The following THOC7 variants were observed in gnomAD, a reference collection of about 807,000 sequenced individuals.
The protein encoded by THOC7 is THO complex subunit 7.
A neutral mutation model predicts 33.1 loss-of-function variants in THOC7; 22 were observed. That is an observed-to-expected ratio of 0.66 (90% CI 0.47 to 0.95). THOC7 has a LOEUF of 0.95. Ranked by LOEUF, THOC7 falls within the 40% of genes least tolerant of loss-of-function variation. THOC7 has a pLI of 0.00. For missense variants in THOC7, 184 were observed against 245.3 expected (o/e 0.75, Z 1.67); for synonymous variants, 77 against 76.8 (o/e 1.00, Z -0.01).
At chr3:63,835,468 C>A in intron 5 of THOC7, 78 bp from the exon 6 acceptor site, 1 of 1,301,784 alleles carries the variant, frequency 7.7e-7, no homozygotes, top group Admixed American at 2.0e-5. Context: ...TTTTAAGTTA[C>A]TAGATAGGAT....
upstream of THOC7, among the ~76,000 whole-genome samples, chr3:63,864,285 C>G (rs1410921923): frequency 6.6e-6 from 1 of 151,282 alleles, no homozygotes; most frequent in Non-Finnish European, 1.5e-5. Flanking sequence ...CAGGGTGACG[C>G]TGCTAGGGGT....
chr3:63,854,940 G>A (rs1381790146), intron 1 of THOC7, among the ~76,000 whole-genome samples: 1 of 151,202 alleles, frequency 6.6e-6, no homozygotes, highest in Non-Finnish European at 1.5e-5. Flanking sequence ...CCCGGGAGGC[G>A]GAGCTTGCAG....
chr3:63,841,249 CAG>C (rs571794373), intron 1 of THOC7, among the ~76,000 whole-genome samples: 65 of 152,262 alleles, frequency 4.3e-4, no homozygotes, highest in African/African-American at 1.5e-3. Flanking sequence ...TGTGTGTATT[CAG>C]AGACTATCCT....
chr3:63,850,293 C>T (rs189393631), intron 1 of THOC7, among the ~76,000 whole-genome samples: 78 of 149,664 alleles, frequency 5.2e-4, no homozygotes, highest in African/African-American at 1.8e-3. Flanking sequence ...CTCTGCCTCC[C>T]GGGTTCAAGC....
chr3:63,837,897 A>T, intron 4 of THOC7, 79 bp downstream of exon 4: 1 of 1,300,138 alleles, frequency 7.7e-7, no homozygotes, highest in Non-Finnish European at 1.1e-6. Flanking sequence ...TGCAGATTTT[A>T]CCTCACAACA....
At chr3:63,841,072 A>G (rs1448458161) in intron 1 of THOC7, among the ~76,000 whole-genome samples, 1 of 152,230 alleles carries the variant, frequency 6.6e-6, no homozygotes, top group Non-Finnish European at 1.5e-5. Flanking sequence ...CACATAATGT[A>G]ATAGTATGAG....
intron 1 of THOC7, chr3:63,846,068 C>T: frequency 3.5e-6 from 1 of 285,550 alleles, no homozygotes; most frequent in Admixed American, 4.4e-5. Flanking sequence ...CTGTAAAGAG[C>T]TAATGAAAAG....
Position 63,834,172 on chromosome 3 carries a change from T to G in THOC7, c.575A>C (p.Glu192Ala), listed in dbSNP as rs145228857. Residue 192 changes from glutamate to alanine, a missense_variant, in exon 8 of 8, where the codon GAA (glutamate) becomes GCA (alanine). Coordinates refer to ENST00000295899, the MANE Select transcript of THOC7 (RefSeq NM_025075.4). ...TGTTTCCATGCTTGCTTCCTGAGCT[T>G]CTTCTACCTCTGAGAGTTTTTCATC... ...ENDEKLSEVE[E>A]AQEASMETDP... The G allele has an allele frequency of 6.8e-5, 110 of 1,614,058 alleles. No individual in the cohort carries two copies. The highest frequency in any genetic ancestry group is 1.5e-4 in the Admixed American group (9 of 60,020).
intron 1 of THOC7, among the ~76,000 whole-genome samples, chr3:63,856,154 G>C (rs1702112082): frequency 6.6e-6 from 1 of 152,054 alleles, no homozygotes; most frequent in African/African-American, 2.4e-5. Flanking sequence ...GAATAAGGTA[G>C]ATTTATATTC....
chr3:63,848,580 C>G (rs900879657), intron 1 of THOC7: 1 of 152,170 alleles, frequency 6.6e-6, no homozygotes, highest in Non-Finnish European at 1.5e-5. Flanking sequence ...ATCTCAGGAC[C>G]TCCTGATGCT....
At chr3:63,853,669 G>A (rs967445915) in intron 1 of THOC7, among the ~76,000 whole-genome samples, 3 of 152,176 alleles carry the variant, frequency 2.0e-5, no homozygotes, top group Non-Finnish European at 2.9e-5. Flanking sequence ...AGCACTTTGG[G>A]AGGCCAAGGC....
intron 1 of THOC7, among the ~76,000 whole-genome samples, chr3:63,843,141 CAG>C (rs907576574): frequency 4.0e-5 from 6 of 151,210 alleles, no homozygotes; most frequent in African/African-American, 1.2e-4. Context: ...TGTTTGGAGA[CAG>C]AGTCTCACTC....
chr3:63,863,315 A>G, intron 1 of THOC7: 1 of 428,358 alleles, frequency 2.3e-6, no homozygotes, highest in South Asian at 9.7e-5. Context: ...TCCCTCCCAG[A>G]CCTCCACAAA....
chr3:63,848,391 C>T, intron 1 of THOC7: 1 of 152,170 alleles, frequency 6.6e-6, no homozygotes, highest in East Asian at 1.9e-4. Flanking sequence ...TAACCAATTA[C>T]CAATCAGAAA....
chr3:63,853,668 G>T (rs1702058094), intron 1 of THOC7, among the ~76,000 whole-genome samples: 1 of 152,140 alleles, frequency 6.6e-6, no homozygotes. Flanking sequence ...CAGCACTTTG[G>T]GAGGCCAAGG....
chr3:63,852,199 G>A (rs568224585), intron 1 of THOC7, among the ~76,000 whole-genome samples: 38 of 152,284 alleles, frequency 2.5e-4, no homozygotes, highest in African/African-American at 7.5e-4. Flanking sequence ...CAAGAGATCC[G>A]CCTAGATTTC....
At chr3:63,856,112 A>G (rs1283847859) in intron 1 of THOC7, among the ~76,000 whole-genome samples, 1 of 152,186 alleles carries the variant, frequency 6.6e-6, no homozygotes, top group African/African-American at 2.4e-5. Context: ...ATCTGTCTAA[A>G]AAATTAATAG....
At chr3:63,837,221 A>G (rs1414623397) in intron 4 of THOC7, among the ~76,000 whole-genome samples, 1 of 152,034 alleles carries the variant, frequency 6.6e-6, no homozygotes, top group African/African-American at 2.4e-5. Context: ...ACAAAACAAC[A>G]CAAAAACAGA....
intron 1 of THOC7, among the ~76,000 whole-genome samples, chr3:63,850,818 C>G (rs893071245): frequency 1.2e-4 from 18 of 151,956 alleles, no homozygotes; most frequent in Non-Finnish European, 2.5e-4. Context: ...AAACTCGTGA[C>G]CTCAGCAATT....
Sources: gnomAD v4.1 joint callset for allele counts (sites outside exome capture counted in the v4.1 genomes callset) on GRCh38, gnomAD v4.1.1 for gene constraint, MANE v1.5 for transcripts, NCBI Gene and HGNC (gene_info 2026-07-23, HGNC 2026-07-21) for gene names.